The following FAM135B variants were observed in gnomAD, a reference collection of about 807,000 sequenced individuals.
The protein encoded by FAM135B is family with sequence similarity 135 member B.
In FAM135B, 43 loss-of-function variants were observed where a neutral mutation model predicts 127.7. That is an observed-to-expected ratio of 0.34 (90% CI 0.26 to 0.43). The LOEUF is 0.43. Ranked by LOEUF, FAM135B falls within the 20% of genes least tolerant of loss-of-function variation. The pLI is 1.00. For missense variants in FAM135B, 1,558 were observed against 1,725.6 expected (o/e 0.90, Z 1.72); for synonymous variants, 670 against 665.1 (o/e 1.01, Z -0.11).
intron 1 of FAM135B, among the ~76,000 whole-genome samples, chr8:138,442,760 A>G (rs1392293580): frequency 2.0e-5 from 3 of 152,122 alleles, no homozygotes; most frequent in Non-Finnish European, 1.5e-5. Context: ...ACCACATTGT[A>G]TCAGAAAGCC....
At chr8:138,438,743 C>G (rs1835600420) in intron 1 of FAM135B, 1 of 152,192 alleles carries the variant, frequency 6.6e-6, no homozygotes, top group African/African-American at 2.4e-5. Flanking sequence ...CCAGGATGAT[C>G]AGACATCACC....
chr8:138,240,173 C>T (rs950456821), intron 7 of FAM135B, among the ~76,000 whole-genome samples: 11 of 152,166 alleles, frequency 7.2e-5, no homozygotes, highest in Non-Finnish European at 1.0e-4. Context: ...AACTAAGTTT[C>T]CACAAGAGTG....
At chr8:138,220,271 G>A (rs1418799474) in intron 7 of FAM135B, among the ~76,000 whole-genome samples, 2 of 152,132 alleles carry the variant, frequency 1.3e-5, no homozygotes, top group Non-Finnish European at 2.9e-5. Flanking sequence ...TCGAGGATAG[G>A]CTTGCTGTTT....
intron 7 of FAM135B, among the ~76,000 whole-genome samples, chr8:138,229,042 CGTGT>C (rs35367239): frequency 2.1e-4 from 31 of 150,990 alleles, no homozygotes; most frequent in East Asian, 9.8e-4. Flanking sequence ...AACACTCACA[CGTGT>C]GTGTGTGTGT....
intron 1 of FAM135B, 100 bp from the exon 2 acceptor site, chr8:138,368,102 C>T: frequency 2.6e-6 from 2 of 777,540 alleles, no homozygotes; most frequent in South Asian, 3.0e-5. Context: ...ACAGGACCAA[C>T]AGGAGTAGCG....
chr8:138,130,152 A>G lies in FAM135B; in HGVS notation c.*2441T>C, dbSNP rs574367207. ...TTATCTTGGCAGGCATTTTGTTTAT[A>G]ATTTTTACAATCAATAATAGAATGT... On this transcript the variant is annotated 3_prime_UTR_variant, in exon 20 of 20. Coordinates refer to ENST00000395297, the MANE Select transcript of FAM135B (RefSeq NM_015912.4). 24 of 151,428 alleles carry G rather than the reference A, an allele frequency of 1.6e-4. No individual in the cohort carries two copies. The East Asian group carries it at 4.1e-3, about 26-fold the overall frequency. The allele number at this position is 151,428 out of a possible 1,614,324, so 9.4% of individuals were successfully genotyped here.
At chr8:138,460,714 T>C (rs1837072560) in intron 1 of FAM135B, among the ~76,000 whole-genome samples, 1 of 151,688 alleles carries the variant, frequency 6.6e-6, no homozygotes, top group South Asian at 2.1e-4. Context: ...GAAGGATTTT[T>C]TTTTCTATAA....
intron 1 of FAM135B, among the ~76,000 whole-genome samples, chr8:138,442,972 G>A (rs982241554): frequency 3.3e-5 from 5 of 152,158 alleles, no homozygotes; most frequent in African/African-American, 1.2e-4. Context: ...TGCGAGGATG[G>A]CTTGTCTTTA....
At chr8:138,407,551 A>G (rs971804789) in intron 1 of FAM135B, among the ~76,000 whole-genome samples, 4 of 152,328 alleles carry the variant, frequency 2.6e-5, no homozygotes, top group African/African-American at 4.8e-5. Context: ...TACTGGTACC[A>G]AAACAGTGAC....
chr8:138,438,946 T>C (rs567324907), intron 1 of FAM135B: 1 of 152,308 alleles, frequency 6.6e-6, no homozygotes, highest in South Asian at 2.1e-4. Context: ...GAGGTCACTA[T>C]ACAAACAGGT....
chr8:138,307,936 A>C (rs1826386180), intron 3 of FAM135B, among the ~76,000 whole-genome samples: 1 of 152,134 alleles, frequency 6.6e-6, no homozygotes, highest in Admixed American at 6.5e-5. Flanking sequence ...GCATACAGAT[A>C]ATGGAAAATA....
chr8:138,196,005 G>C (rs1476282220), intron 8 of FAM135B, among the ~76,000 whole-genome samples: 1 of 152,144 alleles, frequency 6.6e-6, no homozygotes, highest in East Asian at 1.9e-4. Context: ...CTAATTAGTA[G>C]ACACCTCTCT....
At chr8:138,327,797 G>T (rs1018204472) in intron 2 of FAM135B, among the ~76,000 whole-genome samples, 1 of 152,164 alleles carries the variant, frequency 6.6e-6, no homozygotes, top group African/African-American at 2.4e-5. Context: ...TTCCAAGGGG[G>T]TAAGAAAAAG....
At position 138,243,748 on chromosome 8, in the gene FAM135B, G is replaced by C. The variant is rs1042597367; in HGVS notation, c.543-680C>G. Among the ~76,000 whole-genome samples, 4 of 152,154 alleles carry C rather than the reference G, an allele frequency of 2.6e-5. No homozygotes were observed. Among genetic ancestry groups the C allele is most frequent in the African/African-American group, 9.7e-5 (4 of 41,444 alleles). ...GTGATTATTCAAATTTATCATATTT[G>C]AGTTTATGATCATCTTCCTCTATCT... On this transcript the variant is annotated intron_variant, in intron 6 of 19. Transcript: ENST00000395297. This position sits in a 1 kb window ranked among gnomAD's most constrained non-coding sequence, Gnocchi z 7.5.
intron 9 of FAM135B, among the ~76,000 whole-genome samples, chr8:138,195,002 A>G (rs1403442581): frequency 6.6e-6 from 1 of 152,250 alleles, no homozygotes; most frequent in Non-Finnish European, 1.5e-5. Context: ...ACAAATACAT[A>G]TGTGTAGCCT....
chr8:138,449,511 G>A (rs374990861), intron 1 of FAM135B, among the ~76,000 whole-genome samples: 3 of 152,192 alleles, frequency 2.0e-5, no homozygotes, highest in East Asian at 1.9e-4. Flanking sequence ...AATACGAAGG[G>A]GTGGTCATCT....
intron 1 of FAM135B, among the ~76,000 whole-genome samples, chr8:138,446,536 G>C (rs1216215742): frequency 2.6e-5 from 4 of 152,206 alleles, no homozygotes; most frequent in African/African-American, 7.2e-5. Context: ...ACAAACCTGA[G>C]AAAAACAAGC....
intron 2 of FAM135B, among the ~76,000 whole-genome samples, chr8:138,335,886 C>T (rs556868265): frequency 1.3e-5 from 2 of 152,270 alleles, no homozygotes; most frequent in South Asian, 4.1e-4. Context: ...TGTGAAAGAA[C>T]AGAAATTATC....
chr8:138,461,504 G>A (rs1045116991), intron 1 of FAM135B, among the ~76,000 whole-genome samples: 6 of 152,172 alleles, frequency 3.9e-5, no homozygotes, highest in Admixed American at 6.5e-5. Flanking sequence ...CATGACCTCA[G>A]GATTGACATT....
Sources: gnomAD v4.1 joint callset for allele counts (sites outside exome capture counted in the v4.1 genomes callset) on GRCh38, gnomAD v4.1.1 for gene constraint, Gnocchi (gnomAD v3.1) non-coding constraint, MANE v1.5 for transcripts, NCBI Gene and HGNC (gene_info 2026-07-23, HGNC 2026-07-21) for gene names.